Variants in LNX1 observed in about 807,000 individuals in gnomAD.
LNX1 encodes ligand of numb-protein X 1, also known as E3 ubiquitin-protein ligase LNX.
LNX1 carries 54 observed loss-of-function variants against 68.4 expected under a neutral mutation model. The observed-to-expected ratio is 0.79, with a 90% CI of 0.63 to 0.99. The LOEUF (loss-of-function observed/expected upper bound fraction) is 0.99. Among genes scored for constraint, LNX1 ranks in the 50% least tolerant of loss-of-function variants. LNX1 has a pLI of 0.00. For missense variants in LNX1, 906 were observed against 926.4 expected (o/e 0.98, Z 0.29); for synonymous variants, 336 against 350.0 (o/e 0.96, Z 0.45).
chr4:53,481,056 C>A (rs937707243), intron 7 of LNX1, among the ~76,000 whole-genome samples: 1 of 152,188 alleles, frequency 6.6e-6, no homozygotes, highest in Non-Finnish European at 1.5e-5. Context: ...GAGGTTAAGG[C>A]ATTGCCTCTA....
chr4:53,557,943 A>G (rs1577710956), intron 2 of LNX1: 2 of 1,613,572 alleles, frequency 1.2e-6, no homozygotes, highest in South Asian at 2.2e-5. Flanking sequence ...CCAAGGCAAG[A>G]CCAGCAACAG....
intron 2 of LNX1, among the ~76,000 whole-genome samples, chr4:53,563,295 T>G (rs943989401): frequency 3.3e-5 from 5 of 152,150 alleles, no homozygotes; most frequent in Admixed American, 6.5e-5. Context: ...AATGCAAAAT[T>G]TATAAACAAA....
intron 2 of LNX1, among the ~76,000 whole-genome samples, chr4:53,542,474 T>C (rs1728826890): frequency 6.6e-6 from 1 of 152,194 alleles, no homozygotes; most frequent in Non-Finnish European, 1.5e-5. Flanking sequence ...GGAAGGTGTT[T>C]CAAAGAGTGT....
chr4:53,496,395 C>A lies in LNX1; in HGVS notation c.979-1G>T, dbSNP rs1390398971. 2 of 1,597,074 alleles carry A rather than the reference C, an allele frequency of 1.3e-6. No homozygotes were observed. The highest frequency in any genetic ancestry group is 2.7e-5 in the African/African-American group (2 of 74,710). On this transcript the variant is annotated splice_acceptor_variant, in intron 5 of 10. Transcript: ENST00000263925. LOFTEE classifies it high-confidence loss of function. ...CATTGCTGATGTCCATCCCGTTGACCTGGGGGCAGGTGGAACAATCGTGCG... is the reference window on the plus strand; with the variant it reads ...CATTGCTGATGTCCATCCCGTTGACATGGGGGCAGGTGGAACAATCGTGCG...
At chr4:53,476,663 C>G (rs1579373870) in intron 9 of LNX1, 90 bp downstream of exon 9, 2 of 1,072,690 alleles carry the variant, frequency 1.9e-6, no homozygotes, top group African/African-American at 3.1e-5. Context: ...ATGCTAGTGC[C>G]ATGAATCAGC....
chr4:53,561,459 C>G (rs1219687885), intron 2 of LNX1, among the ~76,000 whole-genome samples: 1 of 152,190 alleles, frequency 6.6e-6, no homozygotes, highest in East Asian at 1.9e-4. Flanking sequence ...ATCTCCTGAT[C>G]TCATGATCCG....
At chr4:53,640,439 G>A (rs1240118138) in intron 1 of LNX1, among the ~76,000 whole-genome samples, 7 of 152,190 alleles carry the variant, frequency 4.6e-5, no homozygotes, top group Admixed American at 3.9e-4. Flanking sequence ...AAAAAAATGG[G>A]GGGAGAGAAG....
chr4:53,608,918 T>C (rs1733338138), intron 2 of LNX1, among the ~76,000 whole-genome samples: 1 of 152,048 alleles, frequency 6.6e-6, no homozygotes, highest in South Asian at 2.1e-4. Context: ...TGAGTACGTG[T>C]GTACACAAAG....
chr4:53,543,357 A>G (rs1254414729), intron 2 of LNX1, among the ~76,000 whole-genome samples: 1 of 152,252 alleles, frequency 6.6e-6, no homozygotes, highest in African/African-American at 2.4e-5. Context: ...TCACTGGAAT[A>G]TAAGTTTACT....
rs1256138326 is a variant in LNX1, at chr4:53,496,183, AG to A, written c.1189del (p.Leu397TrpfsTer34). 6.2e-7 allele frequency: 1 copy of A among 1,614,090 alleles called. No individual in the cohort carries two copies. Among genetic ancestry groups the A allele is most frequent in the Non-Finnish European group, 8.5e-7 (1 of 1,180,002 alleles). ...CCCAGGCTCATCCACCTTGCGCACC[AG>A]TTTTATTCCAAGCTGCTCCTCGGGG... The part of the protein sequence containing the change: ...SSPEEQLGIK[L>X]VRKVDEPGVF... On this transcript the variant is annotated frameshift_variant, in exon 6 of 11. Transcript: ENST00000263925. LOFTEE classifies it high-confidence loss of function.
chr4:53,630,715 G>A (rs1273555706), intron 1 of LNX1, among the ~76,000 whole-genome samples: 1 of 152,104 alleles, frequency 6.6e-6, no homozygotes, highest in African/African-American at 2.4e-5. Flanking sequence ...ATTTAAATAG[G>A]AACACATATA....
chr4:53,556,488 G>T (rs907365071), intron 2 of LNX1, among the ~76,000 whole-genome samples: 2 of 152,168 alleles, frequency 1.3e-5, no homozygotes, highest in African/African-American at 4.8e-5. Context: ...GCATGGGAAT[G>T]GGTGGGCAGG....
chr4:53,619,706 C>T (rs1733798439), upstream of LNX1, among the ~76,000 whole-genome samples: 1 of 152,132 alleles, frequency 6.6e-6, no homozygotes, highest in Non-Finnish European at 1.5e-5. Context: ...CCAATGTTTT[C>T]AATTCTACTG....
rs1204570966 is a variant in LNX1 at position 53,507,920 on chromosome 4, A to C, written c.622+66T>G. 3 of 1,549,406 alleles carry C rather than the reference A, an allele frequency of 1.9e-6. No individual in the cohort carries two copies. The East Asian group carries it at 6.8e-5, about 35-fold the overall frequency. Reference sequence around the variant, plus strand: ...AACATTTACAGAACTTTCCACAGTAAGTATTCCACAGAGGGCAATCGCAAG... The same window carrying C: ...AACATTTACAGAACTTTCCACAGTACGTATTCCACAGAGGGCAATCGCAAG... On this transcript the variant is annotated intron_variant, in intron 3 of 10. Transcript: ENST00000263925.
At chr4:53,629,389 G>T (rs1734187724) in intron 1 of LNX1, among the ~76,000 whole-genome samples, 1 of 152,086 alleles carries the variant, frequency 6.6e-6, no homozygotes, top group African/African-American at 2.4e-5. Flanking sequence ...CTGGCAAAGA[G>T]GCAGACTTGC....
intron 2 of LNX1, chr4:53,603,070 T>C (rs1159593542): frequency 6.6e-6 from 1 of 152,208 alleles, no homozygotes. Context: ...AATTCTAAAA[T>C]CAATGCTCAG....
chr4:53,529,794 G>A (rs1300478881), intron 2 of LNX1, among the ~76,000 whole-genome samples: 3 of 152,190 alleles, frequency 2.0e-5, no homozygotes, highest in Non-Finnish European at 4.4e-5. Context: ...GCCAGAGACA[G>A]CATTTGCCTG....
intron 1 of LNX1, among the ~76,000 whole-genome samples, chr4:53,634,363 T>G (rs1427015332): frequency 6.6e-6 from 1 of 151,484 alleles, no homozygotes; most frequent in East Asian, 2.0e-4. Context: ...CCTGCCTCAG[T>G]CTCCCGAGTA....
In LNX1 at chr4:53,468,303, G is replaced by A. The variant is rs182120583; in HGVS notation, c.1893-6710C>T. On this transcript the variant is annotated intron_variant, in intron 9 of 10. Transcript: ENST00000263925. ...AGACAAGCAAATGCTGAGAGATTTT[G>A]TCACCACCAGGCCTGCCCTAAAAGA... Among the ~76,000 whole-genome samples, 295 of 152,290 alleles carry A rather than the reference G, an allele frequency of 1.9e-3. 3 individuals are homozygous for A. The highest frequency in any genetic ancestry group is 6.8e-3 in the Middle Eastern group (2 of 294).
Sources: gnomAD v4.1 joint callset for allele counts (sites outside exome capture counted in the v4.1 genomes callset) on GRCh38, gnomAD v4.1.1 for gene constraint, MANE v1.5 for transcripts, NCBI Gene and HGNC (gene_info 2026-07-23, HGNC 2026-07-21) for gene names.